The following CNTNAP2 variants were observed in gnomAD, a reference collection of about 807,000 sequenced individuals.
The protein encoded by CNTNAP2 is contactin associated protein 2.
CNTNAP2 carries 98 observed loss-of-function variants against 155.2 expected under a neutral mutation model. That is an observed-to-expected ratio of 0.63 (90% CI 0.54 to 0.75). CNTNAP2 has a LOEUF of 0.75. Ranked by LOEUF, CNTNAP2 falls within the 30% of genes least tolerant of loss-of-function variation. The pLI is 0.00. For missense variants in CNTNAP2, 1,727 were observed against 1,688.1 expected, an observed-to-expected ratio of 1.02 and a Z score of -0.40; for synonymous variants, 651 against 631.2, an observed-to-expected ratio of 1.03 and a Z score of -0.47.
At chr7:146,608,231 A>G (rs17170190) in intron 1 of CNTNAP2, among the ~76,000 whole-genome samples, 11,509 of 152,224 alleles carry the variant, frequency 0.076, 484 homozygotes, top group Non-Finnish European at 0.089. Flanking sequence ...ATTCGTGCAA[A>G]TATATTGTTC....
intron 1 of CNTNAP2, among the ~76,000 whole-genome samples, chr7:146,269,042 T>TG (rs1800038463): frequency 2.6e-5 from 4 of 152,160 alleles, no homozygotes; most frequent in African/African-American, 9.7e-5. Flanking sequence ...AGTGCCATAC[T>TG]GGGGACATAA....
At chr7:148,368,401 G>A (rs1328870058) in intron 21 of CNTNAP2, among the ~76,000 whole-genome samples, 1 of 152,146 alleles carries the variant, frequency 6.6e-6, no homozygotes, top group African/African-American at 2.4e-5. Context: ...TGGTCTCCAG[G>A]CATCTGGATA....
At chr7:147,030,301 T>C (rs1048759670) in intron 3 of CNTNAP2, among the ~76,000 whole-genome samples, 1 of 152,224 alleles carries the variant, frequency 6.6e-6, no homozygotes, top group African/African-American at 2.4e-5. Flanking sequence ...GTTTCTTTTA[T>C]GTGAGGATTT....
chr7:147,470,727 G>A (rs565530780), intron 10 of CNTNAP2, among the ~76,000 whole-genome samples: 5 of 152,062 alleles, frequency 3.3e-5, no homozygotes, highest in Non-Finnish European at 7.4e-5. Flanking sequence ...AAAAATTTCA[G>A]AGGCAAAAAT....
At chr7:148,266,945 A>G in intron 20 of CNTNAP2, 88 bp from the exon 21 acceptor site, 1 of 1,222,572 alleles carries the variant, frequency 8.2e-7, no homozygotes, top group Non-Finnish European at 1.2e-6. Flanking sequence ...CCAGGGTTCA[A>G]AGAGTGATGT....
intron 12 of CNTNAP2, among the ~76,000 whole-genome samples, chr7:147,590,995 T>G (rs577034509): frequency 7.7e-4 from 118 of 152,318 alleles, no homozygotes; most frequent in African/African-American, 2.6e-3. Flanking sequence ...CAAGCTCCTT[T>G]AAGTCTTCAT....
At chr7:148,113,923 G>A (rs907799297) in intron 15 of CNTNAP2, among the ~76,000 whole-genome samples, 4 of 152,186 alleles carry the variant, frequency 2.6e-5, no homozygotes, top group African/African-American at 9.7e-5. Context: ...ACTAATTTCT[G>A]TTCTGTCTCA....
intron 4 of CNTNAP2, among the ~76,000 whole-genome samples, chr7:147,100,066 T>C (rs2129277247): frequency 6.6e-6 from 1 of 152,232 alleles, no homozygotes; most frequent in East Asian, 1.9e-4. Flanking sequence ...TTTTCTGATA[T>C]CTTGTGGGTA....
At chr7:147,737,939 G>A (rs762612827) in intron 13 of CNTNAP2, among the ~76,000 whole-genome samples, 3 of 152,198 alleles carry the variant, frequency 2.0e-5, no homozygotes, top group Non-Finnish European at 4.4e-5. Flanking sequence ...TGGCTAGAAA[G>A]GGAATTCCCT....
intron 21 of CNTNAP2, among the ~76,000 whole-genome samples, chr7:148,374,935 T>A (rs1444911849): frequency 6.6e-6 from 1 of 152,220 alleles, no homozygotes; most frequent in East Asian, 1.9e-4. Flanking sequence ...ACATCCATTA[T>A]TCTGAAAGGT....
chr7:146,248,880 C>A (rs1344186776), intron 1 of CNTNAP2, among the ~76,000 whole-genome samples: 3 of 152,084 alleles, frequency 2.0e-5, no homozygotes, highest in Non-Finnish European at 2.9e-5. Context: ...CTTTTAATCA[C>A]CTGGGTGCAG....
intron 22 of CNTNAP2, among the ~76,000 whole-genome samples, chr7:148,408,962 T>G (rs1799764504): frequency 6.6e-6 from 1 of 152,250 alleles, no homozygotes; most frequent in Non-Finnish European, 1.5e-5. Flanking sequence ...ATGATTCCTT[T>G]TTAAACTTTT....
In CNTNAP2 at chr7:146,133,160, C is replaced by A. The variant is rs577281572; in HGVS notation, c.97+16187C>A. ...GTTTTGATTTGCATTTCTCTGATGG[C>A]CAGTGATGATGAGCATTTTTTCATG... On this transcript the variant is annotated intron_variant, in intron 1 of 23. Transcript: ENST00000361727. Among the ~76,000 whole-genome samples the A allele has an allele frequency of 1.3e-4, 19 of 151,884 alleles. No individual in the cohort carries two copies. In the East Asian group the frequency reaches 2.7e-3, roughly 22 times the overall value.
At chr7:147,003,249 T>C (rs970656867) in intron 3 of CNTNAP2, among the ~76,000 whole-genome samples, 3 of 151,998 alleles carry the variant, frequency 2.0e-5, no homozygotes, top group African/African-American at 7.2e-5. Context: ...GTTCTCCATG[T>C]AGGATTGCAA....
chr7:148,409,079 A>G (rs1486283807), intron 22 of CNTNAP2, among the ~76,000 whole-genome samples: 3 of 152,232 alleles, frequency 2.0e-5, no homozygotes, highest in African/African-American at 7.2e-5. Flanking sequence ...TGTAAGAAAC[A>G]TATTCAAATG....
chr7:146,201,856 A>G (rs1798868057), intron 1 of CNTNAP2, among the ~76,000 whole-genome samples: 2 of 152,186 alleles, frequency 1.3e-5, no homozygotes, highest in South Asian at 4.1e-4. Context: ...GCCAAGTTAG[A>G]GAAACACACA....
chr7:147,240,370 A>C (rs1265700342), intron 8 of CNTNAP2, among the ~76,000 whole-genome samples: 1 of 152,206 alleles, frequency 6.6e-6, no homozygotes, highest in Non-Finnish European at 1.5e-5. Flanking sequence ...TGTCGTGGCA[A>C]TGAGCAAATA....
At chr7:146,842,646 A>T (rs1164696048) in intron 3 of CNTNAP2, among the ~76,000 whole-genome samples, 1 of 152,082 alleles carries the variant, frequency 6.6e-6, no homozygotes, top group Non-Finnish European at 1.5e-5. Flanking sequence ...CATGTCTTAC[A>T]TGCCGGGAGC....
intron 10 of CNTNAP2, among the ~76,000 whole-genome samples, chr7:147,460,069 C>A (rs1235482876): frequency 6.6e-6 from 1 of 151,870 alleles, no homozygotes; most frequent in Non-Finnish European, 1.5e-5. Flanking sequence ...TGTAGCAAAC[C>A]ACCATGGCAT....
Sources: allele counts gnomAD v4.1 joint callset (sites outside exome capture counted in the v4.1 genomes callset), GRCh38; gene constraint gnomAD v4.1.1; transcripts MANE v1.5; gene names NCBI Gene and HGNC (gene_info 2026-07-23, HGNC 2026-07-21).